The following FGF14 variants were observed in gnomAD, a reference collection of about 807,000 sequenced individuals.
FGF14 encodes fibroblast growth factor 14, also known as fibroblast growth factor homologous factor 4.
FGF14 carries 5 observed loss-of-function variants against 25.5 expected under a neutral mutation model. The observed-to-expected ratio is 0.20, with a 90% CI of 0.10 to 0.41. The LOEUF (loss-of-function observed/expected upper bound fraction) is 0.41, where lower values mean the gene tolerates loss of function less well. FGF14 is among the 10% of genes least tolerant of loss of function. The pLI is 1.00. For missense variants in FGF14, 222 were observed against 320.1 expected, an observed-to-expected ratio of 0.69 and a Z score of 2.34; for synonymous variants, 138 against 118.3, an observed-to-expected ratio of 1.17 and a Z score of -1.08.
chr13:102,243,292 TA>T (rs2051693780), intron 1 of FGF14, among the ~76,000 whole-genome samples: 3 of 152,094 alleles, frequency 2.0e-5, no homozygotes, highest in Admixed American at 2.0e-4. Flanking sequence ...CCATCACAAA[TA>T]CAGAAGAAAT....
intron 1 of FGF14, among the ~76,000 whole-genome samples, chr13:102,126,564 T>C (rs2045957898): frequency 6.6e-6 from 1 of 152,256 alleles, no homozygotes; most frequent in East Asian, 1.9e-4. Flanking sequence ...CTCCTTTCAG[T>C]TCCTTTGGGT....
chr13:102,096,921 T>C (rs2044428970), intron 1 of FGF14, among the ~76,000 whole-genome samples: 1 of 152,232 alleles, frequency 6.6e-6, no homozygotes, highest in Non-Finnish European at 1.5e-5. Context: ...GACTAATTTA[T>C]GACCACTGTC....
intron 1 of FGF14, among the ~76,000 whole-genome samples, chr13:102,184,310 T>G (rs2048794400): frequency 6.6e-6 from 1 of 151,144 alleles, no homozygotes; most frequent in Non-Finnish European, 1.5e-5. Context: ...GGAAGAAAGG[T>G]GGGGGAGGGC....
At chr13:102,192,982 T>C (rs2049188556) in intron 1 of FGF14, among the ~76,000 whole-genome samples, 1 of 152,210 alleles carries the variant, frequency 6.6e-6, no homozygotes, top group South Asian at 2.1e-4. Flanking sequence ...TTTTCTAGCA[T>C]ACACCTCAAA....
chr13:101,877,291 TC>T (rs1485784136), intron 1 of FGF14, among the ~76,000 whole-genome samples: 3 of 152,198 alleles, frequency 2.0e-5, no homozygotes, highest in African/African-American at 7.2e-5. Flanking sequence ...TTTTGATTCA[TC>T]TGGTTACATA....
intron 3 of FGF14, among the ~76,000 whole-genome samples, chr13:101,795,422 G>C (rs6416376): frequency 0.91 from 138,739 of 152,088 alleles, 64,585 homozygotes; most frequent in East Asian, 1. Context: ...TTTTGTTTAA[G>C]GTAACTAGTA....
intron 1 of FGF14, among the ~76,000 whole-genome samples, chr13:102,107,622 A>G (rs967777985): frequency 6.6e-6 from 1 of 152,216 alleles, no homozygotes; most frequent in Non-Finnish European, 1.5e-5. Flanking sequence ...GGAATGCATA[A>G]AGAGAGATGT....
intron 3 of FGF14, among the ~76,000 whole-genome samples, chr13:101,789,472 G>A (rs1459572495): frequency 6.6e-6 from 1 of 152,104 alleles, no homozygotes; most frequent in Admixed American, 6.6e-5. Context: ...GGAAAATCAT[G>A]CCCCTTACGC....
At chr13:101,927,666 C>T (rs1189664278) in intron 1 of FGF14, among the ~76,000 whole-genome samples, 1 of 152,124 alleles carries the variant, frequency 6.6e-6, no homozygotes, top group Non-Finnish European at 1.5e-5. Flanking sequence ...CGGGAGTTGC[C>T]CCTTTCTGGC....
intron 1 of FGF14, among the ~76,000 whole-genome samples, chr13:102,027,734 C>T (rs924534558): frequency 2.0e-5 from 3 of 151,930 alleles, no homozygotes. Context: ...TAGTTTAGGA[C>T]ATTGTTGGAA....
chr13:101,893,582 G>A (rs2030121318), intron 1 of FGF14, among the ~76,000 whole-genome samples: 1 of 152,076 alleles, frequency 6.6e-6, no homozygotes, highest in South Asian at 2.1e-4. Context: ...GTCCTTAAAA[G>A]GAGAGTGGAA....
chr13:102,036,199 C>A (rs1395808474), intron 1 of FGF14, among the ~76,000 whole-genome samples: 4 of 152,082 alleles, frequency 2.6e-5, no homozygotes, highest in Non-Finnish European at 5.9e-5. Context: ...AGTGTCAATG[C>A]CTTTGTTTAA....
rs562149784 is a variant in FGF14, at chr13:102,023,978, T to C, written c.209-148682A>G. On this transcript the variant is annotated intron_variant, in intron 1 of 4. Coordinates refer to the FGF14 transcript ENST00000376131. ...ATTTTAATGTCTTTTTATTGACAAG[T>C]AATATTCCATTGTGTCGATCTACCA... Among the ~76,000 whole-genome samples the C allele has an allele frequency of 3.0e-3, 449 of 152,188 alleles. 4 individuals carry two copies. The highest frequency in any genetic ancestry group is 0.01 in the African/African-American group (420 of 41,562).
At chr13:101,913,659 AT>A (rs1376541728) in intron 1 of FGF14, among the ~76,000 whole-genome samples, 1 of 151,484 alleles carries the variant, frequency 6.6e-6, no homozygotes, top group African/African-American at 2.4e-5. Context: ...ATGGGACAAT[AT>A]TTTTTCCACC....
intron 1 of FGF14, among the ~76,000 whole-genome samples, chr13:102,010,268 C>A (rs1192789239): frequency 1.3e-5 from 2 of 151,972 alleles, no homozygotes; most frequent in Non-Finnish European, 2.9e-5. Context: ...TGATGTGAAA[C>A]CATCAACCCA....
At chr13:102,116,892 C>T (rs1027546913) in intron 1 of FGF14, among the ~76,000 whole-genome samples, 16 of 152,338 alleles carry the variant, frequency 1.1e-4, no homozygotes, top group African/African-American at 3.6e-4. Flanking sequence ...TAGGTCCACA[C>T]GGCCCTACCT....
chr13:101,799,614 G>C (rs528134025), intron 3 of FGF14, among the ~76,000 whole-genome samples: 17 of 152,162 alleles, frequency 1.1e-4, no homozygotes, highest in African/African-American at 4.1e-4. Context: ...TAGTATGCAC[G>C]TATTAGTCTG....
chr13:101,755,739 G>A (rs952868586), intron 3 of FGF14, among the ~76,000 whole-genome samples: 1 of 152,106 alleles, frequency 6.6e-6, no homozygotes, highest in African/African-American at 2.4e-5. Context: ...AGTCTGAGTG[G>A]CTTCCTCATG....
intron 1 of FGF14, among the ~76,000 whole-genome samples, chr13:102,313,663 A>G (rs2055883656): frequency 6.6e-6 from 1 of 152,164 alleles, no homozygotes; most frequent in Non-Finnish European, 1.5e-5. Flanking sequence ...AGATTTTTAA[A>G]CTAATAACAT....
Sources: allele counts gnomAD v4.1 joint callset (sites outside exome capture counted in the v4.1 genomes callset), GRCh38; gene constraint gnomAD v4.1.1; transcripts MANE v1.5; gene names NCBI Gene and HGNC (gene_info 2026-07-23, HGNC 2026-07-21).